The following STK31 variants were observed in gnomAD, a reference collection of about 807,000 sequenced individuals.
The protein encoded by STK31 is serine/threonine kinase 31.
A neutral mutation model predicts 129.7 loss-of-function variants in STK31; 89 were observed. The observed-to-expected ratio is 0.69, with a 90% CI of 0.58 to 0.82. STK31 has a LOEUF of 0.82. STK31 is among the 40% of genes least tolerant of loss of function. The pLI is 0.00. For synonymous variants in STK31, 448 were observed against 395.3 expected (o/e 1.13, Z -1.58); for missense variants, 1,187 against 1,176.4 (o/e 1.01, Z -0.13).
In STK31 at chr7:23,786,505, A is replaced by G. The variant is rs1389762301; in HGVS notation, c.2275-3A>G. 2 of 1,608,248 alleles carry G rather than the reference A, an allele frequency of 1.2e-6. No homozygotes were observed. The highest frequency in any genetic ancestry group is 1.7e-6 in the Non-Finnish European group (2 of 1,177,686). On this transcript the variant is annotated splice_region_variant and splice_polypyrimidine_tract_variant and intron_variant, in intron 18 of 23. Transcript: ENST00000355870. The stretch of plus-strand genomic sequence containing the variant: ...TTACGAGTGCCTCTTTCTTTGGTAC[A>G]AGGGCTATTCTGTGGATGTTGACAC...
At chr7:23,730,876 A>ATTTTT (rs1490417846) in intron 6 of STK31, among the ~76,000 whole-genome samples, 5 of 59,958 alleles carry the variant, frequency 8.3e-5, no homozygotes, top group South Asian at 1.8e-3. Context: ...ATATATATAT[A>ATTTTT]TATTTTTTTT....
chr7:23,796,503 TAA>T (rs1163562588), intron 22 of STK31, among the ~76,000 whole-genome samples: 9 of 152,184 alleles, frequency 5.9e-5, no homozygotes, highest in South Asian at 2.1e-4. Context: ...TATTGTTGAT[TAA>T]GTCCTTTAAA....
intron 4 of STK31, chr7:23,725,782 A>G (rs572013408): frequency 6.6e-6 from 1 of 152,228 alleles, no homozygotes; most frequent in East Asian, 1.9e-4. Flanking sequence ...AATTATACCA[A>G]TTATGTCTTC....
chr7:23,813,078 C>CTTTTTTTT (rs70956924), intron 22 of STK31, among the ~76,000 whole-genome samples: 127 of 94,054 alleles, frequency 1.4e-3, no homozygotes, highest in Admixed American at 1.6e-3. Flanking sequence ...GCTCTCTGTT[C>CTTTTTTTT]TTTTTTTTTT....
chr7:23,817,187 CAAAAAA>C (rs955726624), intron 23 of STK31, among the ~76,000 whole-genome samples: 1 of 147,446 alleles, frequency 6.8e-6, no homozygotes, highest in African/African-American at 2.5e-5. Context: ...GACTTTGTCT[CAAAAAA>C]AAAAAAATAA....
chr7:23,755,197 G>C (rs937840954), intron 10 of STK31: 1 of 152,066 alleles, frequency 6.6e-6, no homozygotes, highest in Non-Finnish European at 1.5e-5. Flanking sequence ...ATTCTAACTG[G>C]TATGAGATGG....
chr7:23,740,017 G>C lies in STK31; in HGVS notation c.1017+2939G>C, dbSNP rs190695445. Among the ~76,000 whole-genome samples the C allele has an allele frequency of 2.6e-3, 403 of 152,262 alleles. 1 individual carries two copies. Among genetic ancestry groups the C allele is most frequent in the South Asian group, 4.8e-3 (23 of 4,818 alleles). ...TTTTCTAGTTCTGTGAAGAAAGTCA[G>C]TGGTAGTTTGATGGGAATAGAATTG... is the stretch of plus-strand genomic sequence containing the variant. On this transcript the variant is annotated intron_variant, in intron 8 of 23. Coordinates refer to ENST00000355870, the MANE Select transcript of STK31 (RefSeq NM_031414.5).
intron 11 of STK31, 113 bp downstream of exon 11, chr7:23,763,036 C>T: frequency 1.1e-6 from 1 of 912,800 alleles, no homozygotes; most frequent in African/African-American, 1.7e-5. Flanking sequence ...AAAAGTTTTT[C>T]CTGTTTCCTG....
chr7:23,733,646 C>T (rs1353242700), intron 6 of STK31, among the ~76,000 whole-genome samples: 2 of 151,322 alleles, frequency 1.3e-5, no homozygotes, highest in East Asian at 3.9e-4. Context: ...ATCTCTACTA[C>T]AAAATACAAA....
intron 6 of STK31, among the ~76,000 whole-genome samples, chr7:23,734,964 C>CA (rs1468384230): frequency 2.6e-5 from 4 of 151,898 alleles, no homozygotes; most frequent in African/African-American, 7.3e-5. Flanking sequence ...GATTCTGTCT[C>CA]AAAAAAGAAG....
intron 11 of STK31, among the ~76,000 whole-genome samples, chr7:23,768,096 A>C (rs1387173026): frequency 6.6e-6 from 1 of 152,068 alleles, no homozygotes; most frequent in African/African-American, 2.4e-5. Context: ...AAATGCCTTT[A>C]AGTACAGTCA....
chr7:23,802,889 T>A (rs1792466813), intron 22 of STK31, among the ~76,000 whole-genome samples: 1 of 152,216 alleles, frequency 6.6e-6, no homozygotes, highest in African/African-American at 2.4e-5. Context: ...TGGAATTGCA[T>A]TAAATCTGTA....
chr7:23,723,265 A>G (rs930521395), intron 4 of STK31, among the ~76,000 whole-genome samples: 2 of 152,158 alleles, frequency 1.3e-5, no homozygotes, highest in Non-Finnish European at 2.9e-5. Flanking sequence ...GTCTAATGCC[A>G]ATTCTCCTTT....
Position 23,785,262 on chromosome 7 carries a change from AGTAATTAAAT to A in STK31, c.2149-212_2149-203del, listed in dbSNP as rs140475654. On this transcript the variant is annotated intron_variant, in intron 17 of 23. Coordinates refer to ENST00000355870, the MANE Select transcript of STK31 (RefSeq NM_031414.5). ...CCTGAATCTGTTCTAAAATTATAGC[AGTAATTAAAT>A]GTATGGTGATTACACTTTGGGTAGG... is the stretch of plus-strand genomic sequence containing the variant. 7.2e-3 allele frequency among the ~76,000 whole-genome samples: 1,095 copies of A among 152,344 alleles called. 14 individuals carry two copies. The highest frequency in any genetic ancestry group is 0.025 in the African/African-American group (1,047 of 41,580).
At chr7:23,754,241 A>G (rs1352063428) in intron 9 of STK31, 74 bp from the exon 10 acceptor site, 3 of 1,503,780 alleles carry the variant, frequency 2.0e-6, no homozygotes, top group Non-Finnish European at 2.7e-6. Context: ...GACCATTACT[A>G]TTAAAGTGTA....
chr7:23,807,070 G>A (rs1210873940), intron 22 of STK31, among the ~76,000 whole-genome samples: 1 of 152,096 alleles, frequency 6.6e-6, no homozygotes, highest in Non-Finnish European at 1.5e-5. Flanking sequence ...CAAATGCAGA[G>A]AACTTGGAGG....
rs746003518 is a variant in STK31, at chr7:23,737,004, A to T, written c.943A>T (p.Thr315Ser). The change falls in exon 8 of 24, where the codon ACA (threonine) becomes TCA (serine). Residue 315 changes from threonine (T) to serine (S), a missense_variant. This residue lies in a region of STK31 where 975 missense variants were observed against 934.9 expected (regional missense o/e 1.04). Transcript: ENST00000355870. ...KLIEENEKLK[T>S]EKDALLESYK... The stretch of plus-strand genomic sequence containing the variant: ...GATTGAAGAAAATGAAAAACTTAAA[A>T]CAGAGAAGGACGCTCTTCTTGAAAG... 6.2e-7 allele frequency: 1 copy of T among 1,613,464 alleles called. No homozygotes were observed. Among genetic ancestry groups the T allele is most frequent in the Admixed American group, 1.7e-5 (1 of 59,968 alleles).
chr7:23,828,892 CTTTT>C (rs937647270), intron 23 of STK31, among the ~76,000 whole-genome samples: 1 of 150,708 alleles, frequency 6.6e-6, no homozygotes, highest in Non-Finnish European at 1.5e-5. Context: ...CTTTTTCTTT[CTTTT>C]TTTTTGTTTT....
intron 4 of STK31, among the ~76,000 whole-genome samples, chr7:23,720,771 A>G (rs1786644917): frequency 6.6e-6 from 1 of 152,210 alleles, no homozygotes; most frequent in Admixed American, 6.5e-5. Context: ...GGGATTTTTT[A>G]AAGCTAAATT....
Sources: allele counts gnomAD v4.1 joint callset (sites outside exome capture counted in the v4.1 genomes callset), GRCh38; gene constraint gnomAD v4.1.1; regional missense constraint gnomAD v4.1.1; transcripts MANE v1.5; gene names NCBI Gene and HGNC (gene_info 2026-07-23, HGNC 2026-07-21).